Variants in NFIB observed in about 807,000 individuals in gnomAD.
NFIB encodes the protein nuclear factor 1 B-type.
Under a neutral mutation model 61.5 loss-of-function variants are expected in NFIB, and 11 were observed. The ratio of observed to expected loss-of-function variants is 0.18; its 90% confidence interval spans 0.11 to 0.30. The LOEUF is 0.30. Ranked by LOEUF, NFIB falls within the 10% of genes least tolerant of loss-of-function variation. The pLI is 1.00. For synonymous variants in NFIB, 260 were observed against 216.5 expected (o/e 1.20, Z -1.76); for missense variants, 471 against 608.9 (o/e 0.77, Z 2.38).
chr9:14,229,571 C>A (rs2052866892), intron 2 of NFIB, among the ~76,000 whole-genome samples: 2 of 152,084 alleles, frequency 1.3e-5, no homozygotes, highest in Non-Finnish European at 1.5e-5. Context: ...ATAAAAAAAT[C>A]TTTACTAATT....
At chr9:14,131,213 T>C (rs1194963020) in intron 6 of NFIB, among the ~76,000 whole-genome samples, 2 of 152,316 alleles carry the variant, frequency 1.3e-5, no homozygotes, top group Admixed American at 1.3e-4. Flanking sequence ...ACTCATCGTG[T>C]AGTTGAATAT....
intron 2 of NFIB, among the ~76,000 whole-genome samples, chr9:14,265,883 C>T (rs2057159537): frequency 6.6e-6 from 1 of 152,258 alleles, no homozygotes; most frequent in East Asian, 1.9e-4. Context: ...GTAGAAAGTA[C>T]TACAAGAGTC....
At chr9:14,498,869 C>T in the NFIB span, among the ~76,000 whole-genome samples, 2 of 147,152 alleles carry the variant, frequency 1.4e-5, no homozygotes, top group African/African-American at 2.5e-5. Flanking sequence ...TCTTAGTACA[C>T]ATTTACTAGT....
In NFIB at chr9:14,313,629, G is replaced by T; in HGVS notation, c.-118C>A. The T allele has an allele frequency of 6.3e-7, 1 of 1,576,822 alleles. No homozygotes were observed. Among genetic ancestry groups the T allele is most frequent in the South Asian group, 1.2e-5 (1 of 86,582 alleles). ...CCGCGATGCGATCAATCAGGACGGGGCTCTGCGCTGGATCACCGCAACTTC... is the reference window on the plus strand; with the variant it reads ...CCGCGATGCGATCAATCAGGACGGGTCTCTGCGCTGGATCACCGCAACTTC... On this transcript the variant is annotated 5_prime_UTR_variant, in exon 1 of 11. Transcript: ENST00000380953. The surrounding 1 kb of genome is among the most constrained non-coding windows in gnomAD (Gnocchi z 4.5).
chr9:14,400,871 G>A (rs545863760), upstream of NFIB, among the ~76,000 whole-genome samples: 9 of 152,318 alleles, frequency 5.9e-5, no homozygotes, highest in South Asian at 4.1e-4. Context: ...CATCACTGGC[G>A]TAGGGAGGAG....
chr9:14,440,779 G>T, the NFIB span, among the ~76,000 whole-genome samples: 65 of 152,284 alleles, frequency 4.3e-4, no homozygotes, highest in South Asian at 0.013. Flanking sequence ...GTTTCATTCT[G>T]CTTTGTTCAT....
the NFIB span, among the ~76,000 whole-genome samples, chr9:14,414,005 C>T: frequency 5.3e-5 from 8 of 152,104 alleles, no homozygotes; most frequent in African/African-American, 1.4e-4. Flanking sequence ...ATAGATTTAC[C>T]GAAGCATTCA....
chr9:14,307,283 C>G lies in NFIB; in HGVS notation c.268G>C (p.Glu90Gln). The change falls in exon 2 of 11, where the codon GAG becomes CAG. Residue 90 changes from glutamate (E) to glutamine (Q), a missense_variant. Coordinates refer to ENST00000380953, the MANE Select transcript of NFIB (RefSeq NM_001190737.2). The surrounding 1 kb of genome is among the most constrained non-coding windows in gnomAD (Gnocchi z 5.3). ...LRKDIRQEYR[E>Q]DFVLTVTGKK... ...CCAGTCACGGTGAGCACAAAGTCCT[C>G]TCGATACTCCTGGCGAATATCTTTG... 1 of 1,614,014 alleles carries G rather than the reference C, an allele frequency of 6.2e-7. No homozygotes were observed. The highest frequency in any genetic ancestry group is 8.5e-7 in the Non-Finnish European group (1 of 1,179,990).
intron 2 of NFIB, among the ~76,000 whole-genome samples, chr9:14,208,498 G>C (rs1329047028): frequency 6.6e-6 from 1 of 150,386 alleles, no homozygotes; most frequent in Non-Finnish European, 1.5e-5. Context: ...CGTGACTTAA[G>C]TTTTTATTTT....
chr9:14,168,834 A>G (rs1232756834), intron 3 of NFIB, among the ~76,000 whole-genome samples: 1 of 152,178 alleles, frequency 6.6e-6, no homozygotes, highest in Admixed American at 6.5e-5. Context: ...CAGCAGCCTG[A>G]GCCTTTGTAT....
At chr9:14,145,097 T>A (rs183954729) in intron 6 of NFIB, among the ~76,000 whole-genome samples, 3 of 150,800 alleles carry the variant, frequency 2.0e-5, no homozygotes, top group African/African-American at 7.4e-5. Flanking sequence ...GGGTCTCTCA[T>A]GAGGGGAGTC....
chr9:14,445,699 T>C, the NFIB span, among the ~76,000 whole-genome samples: 1 of 152,206 alleles, frequency 6.6e-6, no homozygotes, highest in Non-Finnish European at 1.5e-5. Flanking sequence ...TGTTCTATTC[T>C]TTTGGAGCAT....
At chr9:14,205,219 G>GGGAAGGAA (rs2049514174) in intron 2 of NFIB, among the ~76,000 whole-genome samples, 1 of 1,278 alleles carries the variant, frequency 7.8e-4, no homozygotes. Flanking sequence ...AAGGAAGGGA[G>GGGAAGGAA]GGGAGGGGAG....
the NFIB span, among the ~76,000 whole-genome samples, chr9:14,417,523 T>C: frequency 6.6e-6 from 1 of 152,196 alleles, no homozygotes; most frequent in African/African-American, 2.4e-5. Context: ...ATGGTCCAAA[T>C]GCAGTGAAGT....
chr9:14,157,746 G>C (rs1397907526), intron 3 of NFIB, among the ~76,000 whole-genome samples: 1 of 152,078 alleles, frequency 6.6e-6, no homozygotes, highest in East Asian at 1.9e-4. Context: ...CTGGACCACT[G>C]TAACTTACTA....
At chr9:14,107,832 A>T (rs540929180) in intron 10 of NFIB, among the ~76,000 whole-genome samples, 1 of 152,280 alleles carries the variant, frequency 6.6e-6, no homozygotes, top group African/African-American at 2.4e-5. Flanking sequence ...TCCCTGATTC[A>T]ACTGAGATCT....
chr9:14,099,552 G>A (rs752862704), intron 10 of NFIB, among the ~76,000 whole-genome samples: 2 of 152,082 alleles, frequency 1.3e-5, no homozygotes, highest in African/African-American at 4.8e-5. Context: ...GAACTCTGTT[G>A]TGTCCATTTT....
the NFIB span, among the ~76,000 whole-genome samples, chr9:14,410,965 C>A: frequency 1.3e-5 from 2 of 152,176 alleles, no homozygotes; most frequent in African/African-American, 4.8e-5. Flanking sequence ...TGACACCTTG[C>A]AAAGGTCAGT....
intron 1 of NFIB, among the ~76,000 whole-genome samples, chr9:14,396,191 T>C (rs1388971392): frequency 3.3e-5 from 5 of 151,410 alleles, no homozygotes; most frequent in Non-Finnish European, 7.4e-5. Context: ...TTTTTCTCCC[T>C]TTTTTTTTCT....
Sources: gnomAD v4.1 joint callset for allele counts (sites outside exome capture counted in the v4.1 genomes callset) on GRCh38, gnomAD v4.1.1 for gene constraint, Gnocchi (gnomAD v3.1) non-coding constraint, MANE v1.5 for transcripts, NCBI Gene and HGNC (gene_info 2026-07-23, HGNC 2026-07-21) for gene names.